Variants in PRCC observed in about 807,000 individuals in gnomAD.
The protein encoded by PRCC is proline-rich protein PRCC.
PRCC carries 10 observed loss-of-function variants against 44.0 expected under a neutral mutation model. That is an observed-to-expected ratio of 0.23 (90% CI 0.14 to 0.39). The LOEUF (loss-of-function observed/expected upper bound fraction) is 0.39, where lower values mean the gene tolerates loss of function less well. Ranked by LOEUF, PRCC falls within the 10% of genes least tolerant of loss-of-function variation. PRCC has a pLI of 1.00. For synonymous variants in PRCC, 278 were observed against 259.5 expected, an observed-to-expected ratio of 1.07 and a Z score of -0.69; for missense variants, 573 against 624.7, an observed-to-expected ratio of 0.92 and a Z score of 0.88.
chr1:156,791,917 A>G, intron 4 of PRCC, 125 bp downstream of exon 4: 1 of 841,346 alleles, frequency 1.2e-6, no homozygotes, highest in East Asian at 2.6e-5. Context: ...TTAGGTTGGC[A>G]ACATGTAATG....
intron 2 of PRCC, among the ~76,000 whole-genome samples, chr1:156,783,423 A>G (rs1652119120): frequency 6.6e-6 from 1 of 152,160 alleles, no homozygotes; most frequent in Non-Finnish European, 1.5e-5. Flanking sequence ...CATATGTCTC[A>G]GGGAAAAGCA....
rs201067535 is a variant in PRCC at position 156,787,113 on chromosome 1, A to G, written c.1022A>G (p.Asp341Gly). ...CCTTGGATGCCTAAGCCTGGGGACG[A>G]CTACAGCTACAATCAGTTTTCCACA... ...GAPWMPKPGD[D>G]YSYNQFSTYG... The change falls in exon 3 of 7, where the codon GAC (aspartate) becomes GGC (glycine). Residue 341 changes from aspartate to glycine, a missense_variant. Physicochemically the swap from Asp to Gly is moderately conservative, Grantham distance 94. This residue lies in a region of PRCC where 141 missense variants were observed against 130.2 expected (regional missense o/e 1.08). Coordinates refer to ENST00000271526, the MANE Select transcript of PRCC (RefSeq NM_005973.5). 1.3e-4 allele frequency: 215 copies of G among 1,613,824 alleles called. No individual in the cohort carries two copies. Among genetic ancestry groups the G allele is most frequent in the Non-Finnish European group, 1.4e-4 (168 of 1,179,878 alleles).
intron 5 of PRCC, among the ~76,000 whole-genome samples, chr1:156,795,382 G>C (rs1652631596): frequency 7.2e-6 from 1 of 138,472 alleles, no homozygotes; most frequent in African/African-American, 2.7e-5. Flanking sequence ...CTGCCTCCCA[G>C]GCTCAAGTGA....
intron 3 of PRCC, among the ~76,000 whole-genome samples, chr1:156,788,594 G>A (rs1005562948): frequency 1.3e-5 from 2 of 151,242 alleles, no homozygotes; most frequent in African/African-American, 4.9e-5. Context: ...CACGGTGGCT[G>A]AACTAATTTA....
chr1:156,793,942 TTTTC>T, intron 4 of PRCC, among the ~76,000 whole-genome samples: 1 of 137,514 alleles, frequency 7.3e-6, no homozygotes, highest in African/African-American at 2.7e-5. Context: ...TATATTCTTT[TTTTC>T]TTTCTTTCTT....
intron 1 of PRCC, among the ~76,000 whole-genome samples, chr1:156,777,480 T>C (rs1651868583): frequency 6.6e-6 from 1 of 152,148 alleles, no homozygotes; most frequent in East Asian, 1.9e-4. Context: ...CCCTTTTCCT[T>C]TATCCCCCAC....
chr1:156,786,815 C>G lies in PRCC; in HGVS notation c.724C>G (p.Pro242Ala). ...VVGTTTTTPS[P>A]SAIKAAAKSA... ...GGGCACCACAACCACCACTCCGTCG[C>G]CCTCTGCTATCAAGGCTGCTGCCAA... Residue 242 changes from proline to alanine, a missense_variant, in exon 3 of 7, where the codon CCC (proline) becomes GCC (alanine). Pro to Ala is a conservative substitution (Grantham distance 27). Around this residue, in one of 4 missense-constraint regions of PRCC, gnomAD observed 118 missense variants for 166.7 expected, o/e 0.71. Coordinates refer to ENST00000271526, the MANE Select transcript of PRCC (RefSeq NM_005973.5). 1 of 1,614,248 alleles carries G rather than the reference C, an allele frequency of 6.2e-7. No homozygotes were observed. Among genetic ancestry groups the G allele is most frequent in the Non-Finnish European group, 8.5e-7 (1 of 1,180,048 alleles).
intron 1 of PRCC, among the ~76,000 whole-genome samples, chr1:156,769,099 A>C (rs1571568704): frequency 6.6e-6 from 1 of 152,390 alleles, no homozygotes; most frequent in East Asian, 1.9e-4. Flanking sequence ...GCCTTGGAGC[A>C]GGAACTGCTT....
At chr1:156,772,617 CAGAAATTTCAGGGTTAT>C (rs1651673938) in intron 1 of PRCC, among the ~76,000 whole-genome samples, 1 of 152,190 alleles carries the variant, frequency 6.6e-6, no homozygotes, top group Admixed American at 6.5e-5. Context: ...CCAAAGCACA[CAGAAATTTCAGGGTTAT>C]CTGGATTAGT....
At chr1:156,777,266 C>A (rs770927979) in intron 1 of PRCC, among the ~76,000 whole-genome samples, 1 of 152,068 alleles carries the variant, frequency 6.6e-6, no homozygotes, top group Admixed American at 6.6e-5. Context: ...TTGGTGTTCC[C>A]GCAAAAGCAC....
At chr1:156,800,001 G>A (rs568518816) in intron 6 of PRCC, among the ~76,000 whole-genome samples, 3 of 152,074 alleles carry the variant, frequency 2.0e-5, no homozygotes, top group Non-Finnish European at 2.9e-5. Flanking sequence ...CTACTCTGCC[G>A]GCTGGGTGTC....
At chr1:156,773,566 G>A (rs942452472) in intron 1 of PRCC, among the ~76,000 whole-genome samples, 4 of 152,098 alleles carry the variant, frequency 2.6e-5, no homozygotes, top group East Asian at 3.8e-4. Flanking sequence ...TGGATGCTCC[G>A]GTGTTTCTAG....
chr1:156,791,897 T>A, intron 4 of PRCC, 105 bp downstream of exon 4: 1 of 1,029,890 alleles, frequency 9.7e-7, no homozygotes. Flanking sequence ...AAGACAAAAC[T>A]GTATCAGGAT....
chr1:156,786,105 C>T (rs564130463), intron 2 of PRCC, among the ~76,000 whole-genome samples: 1 of 152,232 alleles, frequency 6.6e-6, no homozygotes, highest in South Asian at 2.1e-4. Context: ...CCACCACTGC[C>T]CAGCCGGGAA....
chr1:156,773,286 G>A (rs1651698897), intron 1 of PRCC, among the ~76,000 whole-genome samples: 1 of 152,076 alleles, frequency 6.6e-6, no homozygotes, highest in Non-Finnish European at 1.5e-5. Flanking sequence ...ATAAGAGAGA[G>A]GCCGCCGTGG....
chr1:156,797,449 T>C, intron 6 of PRCC, 108 bp downstream of exon 6: 1 of 1,328,954 alleles, frequency 7.5e-7, no homozygotes, highest in Non-Finnish European at 1.1e-6. Flanking sequence ...TAGCAGCCCA[T>C]CTTTTAGCAG....
intron 1 of PRCC, among the ~76,000 whole-genome samples, chr1:156,779,128 A>ATATATATATT (rs1651947127): frequency 2.8e-5 from 1 of 35,874 alleles, no homozygotes; most frequent in African/African-American, 1.2e-4. Flanking sequence ...ATATATATAT[A>ATATATATATT]TTTTTTTTTT....
intron 2 of PRCC, among the ~76,000 whole-genome samples, chr1:156,782,713 T>G (rs1652090370): frequency 6.6e-6 from 1 of 152,196 alleles, no homozygotes; most frequent in Non-Finnish European, 1.5e-5. Context: ...AATAAGCACT[T>G]AAATAGCACT....
chr1:156,768,307 G>A (rs1651496299), intron 1 of PRCC, 68 bp downstream of exon 1: 1 of 1,455,420 alleles, frequency 6.9e-7, no homozygotes, highest in African/African-American at 1.4e-5. Context: ...AGGGACATGT[G>A]GAGATTTCAG....
Sources: gnomAD v4.1 joint callset for allele counts (sites outside exome capture counted in the v4.1 genomes callset) on GRCh38, gnomAD v4.1.1 for gene constraint, gnomAD v4.1.1 regional missense constraint, MANE v1.5 for transcripts, NCBI Gene and HGNC (gene_info 2026-07-23, HGNC 2026-07-21) for gene names.